Variants in PHLPP1 observed in about 807,000 individuals in gnomAD.
PHLPP1 encodes PH domain and leucine rich repeat protein phosphatase 1, also known as PH domain leucine-rich repeat-containing protein phosphatase 1.
Under a neutral mutation model 117.2 loss-of-function variants are expected in PHLPP1, and 42 were observed. The observed-to-expected ratio is 0.36, with a 90% CI of 0.28 to 0.46. The LOEUF (loss-of-function observed/expected upper bound fraction) is 0.46, where lower values mean the gene tolerates loss of function less well. Ranked by LOEUF, PHLPP1 falls within the 20% of genes least tolerant of loss-of-function variation. The pLI is 1.00. For synonymous variants in PHLPP1, 1,042 were observed against 970.7 expected, an observed-to-expected ratio of 1.07 and a Z score of -1.37; for missense variants, 2,084 against 2,241.9, an observed-to-expected ratio of 0.93 and a Z score of 1.42.
intron 1 of PHLPP1, among the ~76,000 whole-genome samples, chr18:62,726,400 T>C (rs1319991809): frequency 6.6e-6 from 1 of 151,970 alleles, no homozygotes; most frequent in Non-Finnish European, 1.5e-5. Flanking sequence ...GCTAGTTTTG[T>C]TTACTAAGTC....
At chr18:62,920,783 A>G (rs1484956503) in intron 10 of PHLPP1, among the ~76,000 whole-genome samples, 6 of 151,586 alleles carry the variant, frequency 4.0e-5, no homozygotes, top group African/African-American at 1.5e-4. Context: ...CTGGTTTCGA[A>G]CTCCTGGGCT....
At chr18:62,891,326 G>T (rs974992930) in intron 4 of PHLPP1, among the ~76,000 whole-genome samples, 1 of 152,202 alleles carries the variant, frequency 6.6e-6, no homozygotes, top group Non-Finnish European at 1.5e-5. Flanking sequence ...AGTGGCTTAC[G>T]CCTGTAATCC....
chr18:62,822,285 TG>T lies in PHLPP1; in HGVS notation c.1577-7749del, dbSNP rs1480796480. 5.8e-3 allele frequency among the ~76,000 whole-genome samples: 814 copies of T among 140,766 alleles called. 38 individuals carry two copies. Among genetic ancestry groups the T allele is most frequent in the African/African-American group, 0.018 (709 of 38,336 alleles). 92.3% of individuals were successfully genotyped at this position (140,766 alleles called of 152,430 possible). A position where few individuals can be genotyped will look rare whatever the true frequency, so the allele number is the denominator to read the frequency against. ...ATAGTGTTTTTTTTTTTTTTGTTTTTGTTTTTTTTTTTTTGAGACAGAGTCT... is the reference window on the plus strand; with the variant it reads ...ATAGTGTTTTTTTTTTTTTTGTTTTTTTTTTTTTTTTTTGAGACAGAGTCT... On this transcript the variant is annotated intron_variant, in intron 1 of 16. Transcript: ENST00000262719.
chr18:62,797,898 T>C (rs905510429), intron 1 of PHLPP1, among the ~76,000 whole-genome samples: 1 of 152,214 alleles, frequency 6.6e-6, no homozygotes, highest in Non-Finnish European at 1.5e-5. Context: ...TGTTCTGTTT[T>C]ATCCTGACTA....
At chr18:62,905,128 G>A in intron 7 of PHLPP1, 96 bp from the exon 8 acceptor site, 1 of 606,278 alleles carries the variant, frequency 1.6e-6, no homozygotes, top group East Asian at 3.3e-5. Context: ...ACAAACAATA[G>A]AGAATAAAGC....
At chr18:62,793,234 G>C (rs1913515315) in intron 1 of PHLPP1, among the ~76,000 whole-genome samples, 1 of 152,126 alleles carries the variant, frequency 6.6e-6, no homozygotes, top group African/African-American at 2.4e-5. Flanking sequence ...TAGATTGCAG[G>C]GGGGTGCTTG....
At chr18:62,835,098 C>A (rs942911230) in intron 2 of PHLPP1, among the ~76,000 whole-genome samples, 8 of 151,836 alleles carry the variant, frequency 5.3e-5, no homozygotes, top group Non-Finnish European at 4.4e-5. Flanking sequence ...ATATAATATT[C>A]AAATGATGAC....
intron 10 of PHLPP1, among the ~76,000 whole-genome samples, chr18:62,931,622 C>T (rs1281156858): frequency 1.3e-5 from 2 of 149,108 alleles, no homozygotes; most frequent in East Asian, 2.0e-4. Context: ...GGGCCGGGCA[C>T]GGTGGCTCAT....
At chr18:62,938,080 A>G (rs577235307) in intron 10 of PHLPP1, among the ~76,000 whole-genome samples, 49 of 152,320 alleles carry the variant, frequency 3.2e-4, no homozygotes, top group African/African-American at 1.2e-3. Flanking sequence ...CTTACAAATG[A>G]AAAGAAAACA....
At chr18:62,801,081 C>G (rs1273981392) in intron 1 of PHLPP1, among the ~76,000 whole-genome samples, 1 of 129,668 alleles carries the variant, frequency 7.7e-6, no homozygotes, top group Non-Finnish European at 1.6e-5. Context: ...CCCTTTCTTG[C>G]CCTATCTCCC....
rs377114221 is a variant in PHLPP1 at position 62,895,105 on chromosome 18, G to A, written c.2161G>A (p.Val721Met). 13 of 1,613,802 alleles carry A rather than the reference G, an allele frequency of 8.1e-6. No individual in the cohort carries two copies. Among genetic ancestry groups the A allele is most frequent in the African/African-American group, 2.7e-5 (2 of 74,916 alleles). ...CSIPTLAELN[V>M]SCNALRSVPA... ...TATTCCAACCCTGGCAGAGCTGAACGTGTCCTGCAATGCCCTGCGATCAGT... is the reference window on the plus strand; with the variant it reads ...TATTCCAACCCTGGCAGAGCTGAACATGTCCTGCAATGCCCTGCGATCAGT... The change falls in exon 5 of 17, where the codon GTG becomes ATG. Residue 721 changes from valine (V) to methionine (M), a missense_variant. By Grantham distance (21) the Val-to-Met change is conservative (BLOSUM62 1). Transcript: ENST00000262719.
intron 12 of PHLPP1, among the ~76,000 whole-genome samples, chr18:62,952,888 C>G (rs1412156472): frequency 6.6e-6 from 1 of 152,148 alleles, no homozygotes; most frequent in Non-Finnish European, 1.5e-5. Flanking sequence ...TCCCAAAGTG[C>G]TGGAATTACA....
intron 2 of PHLPP1, among the ~76,000 whole-genome samples, chr18:62,835,100 A>G (rs1914854879): frequency 6.6e-6 from 1 of 152,102 alleles, no homozygotes. Context: ...ATAATATTCA[A>G]ATGATGACAG....
chr18:62,766,089 A>ATATATATATAATATATATATAT (rs1912504646), intron 1 of PHLPP1, among the ~76,000 whole-genome samples: 1 of 75,310 alleles, frequency 1.3e-5, no homozygotes, highest in Non-Finnish European at 3.0e-5. Flanking sequence ...ATATATATAT[A>ATATATATATAATATATATATAT]TATATATATA....
chr18:62,969,704 C>T (rs1172905085), intron 14 of PHLPP1, among the ~76,000 whole-genome samples: 1 of 152,082 alleles, frequency 6.6e-6, no homozygotes, highest in Non-Finnish European at 1.5e-5. Flanking sequence ...ATGAACTGAC[C>T]CCTTTATCAT....
chr18:62,793,332 A>G (rs1211283050), intron 1 of PHLPP1, among the ~76,000 whole-genome samples: 1 of 152,190 alleles, frequency 6.6e-6, no homozygotes, highest in Non-Finnish European at 1.5e-5. Context: ...AAGTCTAATG[A>G]ATCAATCTTC....
At chr18:62,940,460 G>A (rs1020232221) in intron 10 of PHLPP1, among the ~76,000 whole-genome samples, 4 of 139,038 alleles carry the variant, frequency 2.9e-5, no homozygotes, top group African/African-American at 1.1e-4. Flanking sequence ...TGCCTCCTGG[G>A]TTCACGCCAT....
At chr18:62,825,279 A>G (rs979895590) in intron 1 of PHLPP1, 2 of 151,506 alleles carry the variant, frequency 1.3e-5, no homozygotes, top group African/African-American at 2.4e-5. Context: ...TTTCTCAAAT[A>G]ATGTTTTACT....
chr18:62,869,111 C>G (rs1255795393), intron 4 of PHLPP1, among the ~76,000 whole-genome samples: 2 of 152,160 alleles, frequency 1.3e-5, no homozygotes, highest in African/African-American at 4.8e-5. Context: ...ACTATTCTCT[C>G]TTTTCCAAAT....
Sources: allele counts gnomAD v4.1 joint callset (sites outside exome capture counted in the v4.1 genomes callset), GRCh38; gene constraint gnomAD v4.1.1; transcripts MANE v1.5; gene names NCBI Gene and HGNC (gene_info 2026-07-23, HGNC 2026-07-21).